The following DNAJC13 variants were observed in gnomAD, a reference collection of about 807,000 sequenced individuals.
DNAJC13 encodes the protein DnaJ heat shock protein family (Hsp40) member C13.
Under a neutral mutation model 290.5 loss-of-function variants are expected in DNAJC13, and 75 were observed. The ratio of observed to expected loss-of-function variants is 0.26; its 90% confidence interval spans 0.21 to 0.31. The LOEUF (loss-of-function observed/expected upper bound fraction) is 0.31, where lower values mean the gene tolerates loss of function less well. DNAJC13 is among the 10% of genes least tolerant of loss of function. DNAJC13 has a pLI of 1.00. For synonymous variants in DNAJC13, 862 were observed against 892.0 expected, an observed-to-expected ratio of 0.97 and a Z score of 0.60; for missense variants, 2,260 against 2,674.5, an observed-to-expected ratio of 0.85 and a Z score of 3.42.
chr3:132,508,562 A>G (rs563958133), intron 43 of DNAJC13, among the ~76,000 whole-genome samples: 1 of 152,258 alleles, frequency 6.6e-6, no homozygotes, highest in Non-Finnish European at 1.5e-5. Context: ...GTTCTCACTT[A>G]TAGGTAGAGG....
chr3:132,427,910 G>A (rs1273767785), intron 1 of DNAJC13, among the ~76,000 whole-genome samples: 1 of 152,140 alleles, frequency 6.6e-6, no homozygotes, highest in Admixed American at 6.5e-5. Context: ...TCAAAGTCAC[G>A]CAGCCAGTAA....
chr3:132,454,582 C>T (rs906691476), intron 9 of DNAJC13, among the ~76,000 whole-genome samples: 10 of 151,824 alleles, frequency 6.6e-5, no homozygotes, highest in Non-Finnish European at 7.4e-5. Context: ...TCAAGTGATC[C>T]GCCTGCCTTG....
chr3:132,463,444 A>C (rs764478722), intron 16 of DNAJC13, among the ~76,000 whole-genome samples: 10 of 152,168 alleles, frequency 6.6e-5, no homozygotes, highest in Non-Finnish European at 1.5e-4. Context: ...CCTAGTTTTA[A>C]TATTAAGTTT....
chr3:132,442,004 TG>T (rs755530332), intron 2 of DNAJC13, among the ~76,000 whole-genome samples: 2 of 140,054 alleles, frequency 1.4e-5, no homozygotes, highest in Non-Finnish European at 3.0e-5. Context: ...CCTAACACAT[TG>T]GTTTTTTTTT....
intron 21 of DNAJC13, among the ~76,000 whole-genome samples, chr3:132,474,021 C>T (rs959279445): frequency 6.6e-6 from 1 of 152,016 alleles, no homozygotes; most frequent in African/African-American, 2.4e-5. Flanking sequence ...GACTTGTGCC[C>T]AAATGTTTTA....
chr3:132,502,917 A>G (rs181708051), intron 40 of DNAJC13, among the ~76,000 whole-genome samples: 3 of 152,164 alleles, frequency 2.0e-5, no homozygotes, highest in Admixed American at 1.3e-4. Context: ...AGGGCTGCCT[A>G]CCTATCCCCT....
chr3:132,420,088 A>G (rs550527588), intron 1 of DNAJC13, among the ~76,000 whole-genome samples: 1 of 152,372 alleles, frequency 6.6e-6, no homozygotes, highest in African/African-American at 2.4e-5. Context: ...CAGTGCTTAC[A>G]GAGAGTAGAT....
At chr3:132,462,973 C>G (rs1290512245) in intron 16 of DNAJC13, among the ~76,000 whole-genome samples, 1 of 152,126 alleles carries the variant, frequency 6.6e-6, no homozygotes, top group African/African-American at 2.4e-5. Flanking sequence ...GGAGCATGAT[C>G]TTGTCGAAGA....
chr3:132,470,584 C>T (rs1399727111), intron 20 of DNAJC13, among the ~76,000 whole-genome samples: 3 of 142,364 alleles, frequency 2.1e-5, no homozygotes, highest in African/African-American at 5.3e-5. Flanking sequence ...CGCCCCTCAC[C>T]TCCCGGACGG....
At chr3:132,431,495 C>A (rs77911579) in intron 1 of DNAJC13, among the ~76,000 whole-genome samples, 1 of 151,962 alleles carries the variant, frequency 6.6e-6, no homozygotes, top group Non-Finnish European at 1.5e-5. Context: ...AGGTATAAGC[C>A]ATATAAATAT....
chr3:132,525,534 A>C, intron 51 of DNAJC13, 76 bp from the exon 52 acceptor site: 12 of 1,469,540 alleles, frequency 8.2e-6, no homozygotes, highest in Non-Finnish European at 1.0e-5. Context: ...AGTTTTGAAC[A>C]CCAAATACAT....
chr3:132,434,135 G>T (rs989556195), intron 1 of DNAJC13, among the ~76,000 whole-genome samples: 4 of 150,876 alleles, frequency 2.7e-5, no homozygotes, highest in African/African-American at 9.8e-5. Flanking sequence ...GCGTGAACGC[G>T]GGAGGCGGAG....
intron 2 of DNAJC13, among the ~76,000 whole-genome samples, chr3:132,444,366 T>C (rs1300502818): frequency 6.6e-6 from 1 of 152,232 alleles, no homozygotes; most frequent in Non-Finnish European, 1.5e-5. Context: ...GTCTAAAATA[T>C]TGTCATCTCA....
At position 132,523,389 on chromosome 3, in the gene DNAJC13, A is replaced by G. The variant is rs188363493; in HGVS notation, c.5887-151A>G. ...GAAGTTAGTAAGGGCACCCTTTCTG[A>G]ACTTTATTAAGAAAAAATAAAACTC... On this transcript the variant is annotated intron_variant, in intron 50 of 55. Coordinates refer to ENST00000260818, the MANE Select transcript of DNAJC13 (RefSeq NM_015268.4). 2.4e-5 allele frequency: 29 copies of G among 1,197,640 alleles called. 1 individual carries two copies. The Middle Eastern group carries it at 8.4e-4, about 35-fold the overall frequency. 74.2% of individuals were successfully genotyped at this position (1,197,640 alleles called of 1,614,324 possible).
In DNAJC13 at chr3:132,492,621, T is replaced by C; in HGVS notation, c.3825+6T>C. 2 of 1,612,786 alleles carry C rather than the reference T, an allele frequency of 1.2e-6. No individual in the cohort carries two copies. The highest frequency in any genetic ancestry group is 1.7e-6 in the Non-Finnish European group (2 of 1,179,358). ...ATTGGCCAATTAAAGACCCGGTAAG[T>C]CAGCAGTTTAATTTGTGCCACCTTA... On this transcript the variant is annotated splice_donor_region_variant and intron_variant, in intron 33 of 55. Coordinates refer to ENST00000260818, the MANE Select transcript of DNAJC13 (RefSeq NM_015268.4).
intron 41 of DNAJC13, among the ~76,000 whole-genome samples, chr3:132,504,679 T>C (rs1935531801): frequency 6.6e-6 from 1 of 152,164 alleles, no homozygotes; most frequent in South Asian, 2.1e-4. Context: ...AAATAAAAGA[T>C]TTTTATTCAG....
chr3:132,448,672 T>C lies in DNAJC13; in HGVS notation c.336+733T>C, dbSNP rs1434703204. On this transcript the variant is annotated intron_variant, in intron 5 of 55. Coordinates refer to ENST00000260818, the MANE Select transcript of DNAJC13 (RefSeq NM_015268.4). The stretch of plus-strand genomic sequence containing the variant: ...CTGGCAAAAGGCAGGAACTGAATTC[T>C]GATATGCGGGCAGCACCATTCTCCT... Among the ~76,000 whole-genome samples the C allele has an allele frequency of 2.6e-5, 4 of 152,302 alleles. No homozygotes were observed. The East Asian group carries it at 7.7e-4, about 29-fold the overall frequency.
chr3:132,430,887 CA>C (rs1231162875), intron 1 of DNAJC13, among the ~76,000 whole-genome samples: 1 of 152,192 alleles, frequency 6.6e-6, no homozygotes, highest in Non-Finnish European at 1.5e-5. Flanking sequence ...CAGAAACAGA[CA>C]AACAAAACAC....
At chr3:132,530,299 A>G (rs910625678) in intron 54 of DNAJC13, among the ~76,000 whole-genome samples, 2 of 152,258 alleles carry the variant, frequency 1.3e-5, no homozygotes, top group Non-Finnish European at 2.9e-5. Context: ...TGCCTACCAC[A>G]TAAGAGGTGC....
Sources: allele counts gnomAD v4.1 joint callset (sites outside exome capture counted in the v4.1 genomes callset), GRCh38; gene constraint gnomAD v4.1.1; transcripts MANE v1.5; gene names NCBI Gene and HGNC (gene_info 2026-07-23, HGNC 2026-07-21).